The following COL11A2 variants were observed in gnomAD, a reference collection of about 807,000 sequenced individuals.
COL11A2 encodes collagen alpha-2(XI) chain.
A neutral mutation model predicts 273.4 loss-of-function variants in COL11A2; 116 were observed. The observed-to-expected ratio is 0.42, with a 90% CI of 0.36 to 0.49. COL11A2 has a LOEUF of 0.49. Ranked by LOEUF, COL11A2 falls within the 20% of genes least tolerant of loss-of-function variation. COL11A2 has a pLI of 0.00. For missense variants in COL11A2, 1,866 were observed against 2,309.0 expected (o/e 0.81, Z 3.93); for synonymous variants, 782 against 864.2 (o/e 0.90, Z 1.67).
chr6:33,178,742 G>C lies in COL11A2; in HGVS notation c.1666-10C>G. ...CAAAACCTCGGTCACCCTAGGAGGAGGAAGGATAGCCAGAGTGAGGACACG... is the reference window on the plus strand; with the variant it reads ...CAAAACCTCGGTCACCCTAGGAGGACGAAGGATAGCCAGAGTGAGGACACG... On this transcript the variant is annotated splice_polypyrimidine_tract_variant and intron_variant, in intron 17 of 65. Coordinates refer to ENST00000341947, the MANE Select transcript of COL11A2 (RefSeq NM_080680.3). This position sits in a 1 kb window ranked among gnomAD's most constrained non-coding sequence, Gnocchi z 4.6. The C allele has an allele frequency of 6.2e-7, 1 of 1,612,668 alleles. No homozygotes were observed. The highest frequency in any genetic ancestry group is 8.5e-7 in the Non-Finnish European group (1 of 1,179,876).
chr6:33,172,204 A>G, intron 40 of COL11A2, 85 bp downstream of exon 40: 1 of 1,270,208 alleles, frequency 7.9e-7, no homozygotes, highest in Non-Finnish European at 1.1e-6. Flanking sequence ...GGGGAGTGAC[A>G]TGGAGGGGGT....
rs754476126 is a variant in COL11A2, at chr6:33,168,715, T to C, written c.3897A>G (p.Pro1299=). 68 of 1,593,138 alleles carry C rather than the reference T, an allele frequency of 4.3e-5. No individual in the cohort carries two copies. The South Asian group carries it at 7.7e-4, about 18-fold the overall frequency. The change falls in exon 53 of 66, where the codon CCA becomes CCG. Residue 1299 remains proline, a synonymous_variant. Coordinates refer to ENST00000341947, the MANE Select transcript of COL11A2 (RefSeq NM_080680.3). The part of the protein sequence containing the change: ...AKGDRGEDGE[P]GQPGSPGPTG... The stretch of plus-strand genomic sequence containing the variant: ...GTCACCAGGCACTCACAGGCTGTCC[T>C]GGCTCACCATCCTCGCCTCGGTCAC...
rs2150623686 is a variant in COL11A2 at position 33,189,143 on chromosome 6, C to T, written c.278G>A (p.Arg93His). ...CAGGAGGGGAGCTTGGAGACCAGGG[C>T]GGGTCCGGACAACAGTCAGCAGAGA... is the stretch of plus-strand genomic sequence containing the variant. ...DFSLLTVVRTRPGLQAPLLTL... is the reference protein window; with the variant it reads ...DFSLLTVVRTHPGLQAPLLTL... The change falls in exon 3 of 66, where the codon CGC becomes CAC. Residue 93 changes from arginine (R) to histidine (H), a missense_variant. Coordinates refer to ENST00000341947, the MANE Select transcript of COL11A2 (RefSeq NM_080680.3). This position sits in a 1 kb window ranked among gnomAD's most constrained non-coding sequence, Gnocchi z 5.6. 3.1e-6 allele frequency: 5 copies of T among 1,613,934 alleles called. No homozygotes were observed. Among genetic ancestry groups the T allele is most frequent in the East Asian group, 2.2e-5 (1 of 44,874 alleles).
Position 33,173,089 on chromosome 6 carries a change from G to T in COL11A2, c.2761C>A (p.Pro921Thr). The T allele has an allele frequency of 6.2e-7, 1 of 1,612,668 alleles. No individual in the cohort carries two copies. The highest frequency in any genetic ancestry group is 8.5e-7 in the Non-Finnish European group (1 of 1,179,870). Residue 921 changes from proline to threonine, a missense_variant, in exon 38 of 66, where the codon CCT becomes ACT. Pro to Thr is a conservative substitution (Grantham distance 38). Coordinates refer to ENST00000341947, the MANE Select transcript of COL11A2 (RefSeq NM_080680.3). This position sits in a 1 kb window ranked among gnomAD's most constrained non-coding sequence, Gnocchi z 6.3. ...EVGFQGKTGP[P>T]GPPGVVGPQG... ...GGTCCCACCACTCCTGGAGGACCAG[G>T]GGGGCCGGTCTTCCCTTGGAAACCC...
chr6:33,188,859 G>A, intron 3 of COL11A2, 119 bp downstream of exon 3: 1 of 1,156,788 alleles, frequency 8.6e-7, no homozygotes, highest in East Asian at 2.3e-5. Flanking sequence ...TTTGGGCAGT[G>A]GGTAGGTGTG....
chr6:33,163,538 G>T lies in COL11A2; in HGVS notation c.*140C>A. On this transcript the variant is annotated 3_prime_UTR_variant, in exon 66 of 66. Transcript: ENST00000341947. The surrounding 1 kb of genome is among the most constrained non-coding windows in gnomAD (Gnocchi z 4.1). ...AACCACTTCACCCCTCCCCTGGCCT[G>T]CCCCGACTGAGGGCTCTCCACGCCC... 7.3e-7 allele frequency: 1 copy of T among 1,370,324 alleles called. No individual in the cohort carries two copies. The highest frequency in any genetic ancestry group is 1.0e-6 in the Non-Finnish European group (1 of 971,900). The allele number at this position is 1,370,324 out of a possible 1,614,324, so 84.9% of individuals were successfully genotyped here.
Position 33,168,552 on chromosome 6 carries a change from C to A in COL11A2, c.3927G>T (p.Gly1309=). 6.2e-7 allele frequency: 1 copy of A among 1,613,714 alleles called. No individual in the cohort carries two copies. The highest frequency in any genetic ancestry group is 8.5e-7 in the Non-Finnish European group (1 of 1,179,920). Residue 1309 remains glycine (G), a synonymous_variant, in exon 54 of 66, where the codon GGG becomes GGT. Transcript: ENST00000341947. ...PGQPGSPGPT[G]ENGPPGPLGK... is the part of the protein sequence containing the mutation. ...CAAGTGGCCCTGGGGGTCCATTCTCCCCGGTGGGACCAGGGGATCCCTAGG... is the reference window on the plus strand; with the variant it reads ...CAAGTGGCCCTGGGGGTCCATTCTCACCGGTGGGACCAGGGGATCCCTAGG...
chr6:33,179,199 G>C lies in COL11A2; in HGVS notation c.1557+32C>G. 1 of 1,611,996 alleles carries C rather than the reference G, an allele frequency of 6.2e-7. No individual in the cohort carries two copies. The highest frequency in any genetic ancestry group is 1.3e-5 in the African/African-American group (1 of 74,976). ...GTGAGGGAGACTGAGCTGGTGAACAGATATGGGGGTGCAGTGGAGGAAAGT... is the reference window on the plus strand; with the variant it reads ...GTGAGGGAGACTGAGCTGGTGAACACATATGGGGGTGCAGTGGAGGAAAGT... On this transcript the variant is annotated intron_variant, in intron 15 of 65. Coordinates refer to ENST00000341947, the MANE Select transcript of COL11A2 (RefSeq NM_080680.3). The surrounding 1 kb of genome is among the most constrained non-coding windows in gnomAD (Gnocchi z 6.4).
chr6:33,174,987 C>T (rs1770695413), intron 30 of COL11A2, among the ~76,000 whole-genome samples: 2 of 152,158 alleles, frequency 1.3e-5, no homozygotes, highest in Non-Finnish European at 2.9e-5. Context: ...CCCGTGCATG[C>T]CCCCTTCCCC....
In COL11A2 at chr6:33,164,516, G is replaced by T. The variant is rs1023697846; in HGVS notation, c.4864-43C>A. ...GCTGGCCTCAGAGGGGGAGAGAGAG[G>T]GCTGGCCTCAGAGGGAGACAGAGAC... On this transcript the variant is annotated intron_variant, in intron 64 of 65. Coordinates refer to ENST00000341947, the MANE Select transcript of COL11A2 (RefSeq NM_080680.3). This position sits in a 1 kb window ranked among gnomAD's most constrained non-coding sequence, Gnocchi z 4.7. 6.8e-7 allele frequency: 1 copy of T among 1,466,524 alleles called. No individual in the cohort carries two copies. The highest frequency in any genetic ancestry group is 2.2e-5 in the Admixed American group (1 of 45,726). The allele number at this position is 1,466,524 out of a possible 1,614,324, so 90.8% of individuals were successfully genotyped here.
rs566327443 is a variant in COL11A2 at position 33,190,314 on chromosome 6, G to A, written c.83-845C>T. On this transcript the variant is annotated intron_variant, in intron 1 of 65. Coordinates refer to ENST00000341947, the MANE Select transcript of COL11A2 (RefSeq NM_080680.3). This position sits in a 1 kb window ranked among gnomAD's most constrained non-coding sequence, Gnocchi z 4.5. Reference sequence around the variant, plus strand: ...GAGTGCTTGCCCAGAACCCAGGCAAGCTCCCCACACCTGGAACCTCAATCC... The same window carrying A: ...GAGTGCTTGCCCAGAACCCAGGCAAACTCCCCACACCTGGAACCTCAATCC... Among the ~76,000 whole-genome samples, 144 of 152,164 alleles carry A rather than the reference G, an allele frequency of 9.5e-4. 5 individuals are homozygous for A. The South Asian group carries it at 0.029, about 31-fold the overall frequency.
At chr6:33,171,429 G>C (rs780430903) in intron 43 of COL11A2, 38 bp downstream of exon 43, 3 of 1,610,434 alleles carry the variant, frequency 1.9e-6, no homozygotes. Flanking sequence ...CATCTCATCT[G>C]GAAAGAAGAT....
chr6:33,184,069 G>A (rs560192958), intron 8 of COL11A2, 76 bp downstream of exon 8: 2 of 1,274,758 alleles, frequency 1.6e-6, no homozygotes, highest in Non-Finnish European at 2.1e-6. Flanking sequence ...AACAGCCAAG[G>A]ATCGAAACCA....
Position 33,181,010 on chromosome 6 carries a change from G to T in COL11A2, c.1180-5C>A. Reference sequence around the variant, plus strand: ...GGGCCCCTCCACGAGCATACCCTGTGGAGTCAAAGGTTAAAAATCAGAGGC... The same window carrying T: ...GGGCCCCTCCACGAGCATACCCTGTTGAGTCAAAGGTTAAAAATCAGAGGC... On this transcript the variant is annotated splice_polypyrimidine_tract_variant and splice_region_variant and intron_variant, in intron 9 of 65. Transcript: ENST00000341947. The T allele has an allele frequency of 6.2e-7, 1 of 1,614,154 alleles. No homozygotes were observed. Among genetic ancestry groups the T allele is most frequent in the Non-Finnish European group, 8.5e-7 (1 of 1,180,018 alleles).
upstream of COL11A2, among the ~76,000 whole-genome samples, chr6:33,193,344 G>A (rs1454822688): frequency 6.6e-6 from 1 of 151,872 alleles, no homozygotes; most frequent in Admixed American, 6.6e-5. Context: ...GAGGGCACGA[G>A]CGAACAAGGC....
Position 33,170,671 on chromosome 6 carries a change from C to G in COL11A2, c.3475-61G>C. On this transcript the variant is annotated intron_variant, in intron 46 of 65. Transcript: ENST00000341947. This position sits in a 1 kb window ranked among gnomAD's most constrained non-coding sequence, Gnocchi z 4.3. ...ACCCCACCCAAAGCACAGCCCTAGG[C>G]AGATAGGCCCCACAGTCCCCTCCCC... The G allele has an allele frequency of 6.2e-7, 1 of 1,603,186 alleles. No homozygotes were observed. Among genetic ancestry groups the G allele is most frequent in the Non-Finnish European group, 8.5e-7 (1 of 1,171,324 alleles).
chr6:33,186,772 T>C lies in COL11A2; in HGVS notation c.653A>G (p.Tyr218Cys), dbSNP rs571279786. 2.5e-6 allele frequency: 4 copies of C among 1,614,092 alleles called. No homozygotes were observed. The East Asian group carries it at 6.7e-5, about 27-fold the overall frequency. Residue 218 changes from tyrosine to cysteine, a missense_variant, in exon 5 of 66, where the codon TAT becomes TGT. Tyr to Cys is a radical substitution (Grantham distance 194). Coordinates refer to ENST00000341947, the MANE Select transcript of COL11A2 (RefSeq NM_080680.3). ...CAGCTCCTTCTGTTCACATGATTCA[T>C]AGGCTGCCTGGACCCCTGGGACAAT... The part of the protein sequence containing the change: ...LAIVPGVQAA[Y>C]ESCEQKELEC...
Position 33,177,653 on chromosome 6 carries a change from A to G in COL11A2, c.1917+9T>C. On this transcript the variant is annotated intron_variant, in intron 22 of 65. Transcript: ENST00000341947. This position sits in a 1 kb window ranked among gnomAD's most constrained non-coding sequence, Gnocchi z 5.9. ...AGAATGGGGGTGGGATCTCCTATCC[A>G]TCACTCACCAAGCTCCCTTTGGGGC... The G allele has an allele frequency of 6.2e-7, 1 of 1,612,942 alleles. No homozygotes were observed. The highest frequency in any genetic ancestry group is 8.5e-7 in the Non-Finnish European group (1 of 1,179,978).
In COL11A2 at chr6:33,181,369, G is replaced by GC. The variant is rs56076919; in HGVS notation, c.1120-200dup. On this transcript the variant is annotated intron_variant, in intron 8 of 65. Coordinates refer to ENST00000341947, the MANE Select transcript of COL11A2 (RefSeq NM_080680.3). ...TGCCAAGGAGACCTCAGGGTTCCCT[G>GC]CCCCCCCAGTTCCCAGCCCCACCTC... is the stretch of plus-strand genomic sequence containing the variant. 2.6e-5 allele frequency among the ~76,000 whole-genome samples: 4 copies of GC among 151,826 alleles called. No homozygotes were observed. In the East Asian group the frequency reaches 7.8e-4, roughly 29 times the overall value.
Sources: gnomAD v4.1 joint callset for allele counts (sites outside exome capture counted in the v4.1 genomes callset) on GRCh38, gnomAD v4.1.1 for gene constraint, Gnocchi (gnomAD v3.1) non-coding constraint, MANE v1.5 for transcripts, NCBI Gene and HGNC (gene_info 2026-07-23, HGNC 2026-07-21) for gene names.